The following KIF6 variants were observed in gnomAD, a reference collection of about 807,000 sequenced individuals.
KIF6 encodes the protein kinesin-like protein KIF6.
In KIF6, 106 loss-of-function variants were observed where a neutral mutation model predicts 112.7. The observed-to-expected ratio is 0.94, with a 90% CI of 0.80 to 1.11. The LOEUF is 1.11. Ranked by LOEUF, KIF6 falls within the 50% of genes least tolerant of loss-of-function variation. KIF6 has a pLI of 0.00. For missense variants in KIF6, 929 were observed against 964.0 expected (o/e 0.96, Z 0.48); for synonymous variants, 339 against 339.9 (o/e 1.00, Z 0.03).
intron 10 of KIF6, among the ~76,000 whole-genome samples, chr6:39,573,330 C>G (rs989472987): frequency 1.3e-5 from 2 of 152,088 alleles, no homozygotes; most frequent in African/African-American, 4.8e-5. Flanking sequence ...ATAGCAGTAG[C>G]ACTTTAGGGG....
chr6:39,605,035 T>C (rs1156302415), intron 6 of KIF6, among the ~76,000 whole-genome samples: 1 of 152,130 alleles, frequency 6.6e-6, no homozygotes, highest in Non-Finnish European at 1.5e-5. Flanking sequence ...TATGGGAAAC[T>C]GAGAAGGAAT....
intron 14 of KIF6, among the ~76,000 whole-genome samples, chr6:39,425,207 C>T (rs1003570594): frequency 2.0e-5 from 3 of 152,154 alleles, no homozygotes; most frequent in Non-Finnish European, 4.4e-5. Context: ...GAATGGTGGG[C>T]CAATATGTGT....
chr6:39,670,864 A>T (rs1196578528), intron 3 of KIF6, among the ~76,000 whole-genome samples: 1 of 152,176 alleles, frequency 6.6e-6, no homozygotes, highest in African/African-American at 2.4e-5. Flanking sequence ...CAACCATATG[A>T]GGGCATTGTA....
intron 13 of KIF6, among the ~76,000 whole-genome samples, chr6:39,526,383 T>TTTTG (rs1562287978): frequency 6.6e-6 from 1 of 152,178 alleles, no homozygotes; most frequent in Non-Finnish European, 1.5e-5. Flanking sequence ...CCCTCAACTA[T>TTTTG]CCAGTCCCTT....
chr6:39,426,785 G>C (rs1172673546), intron 14 of KIF6, among the ~76,000 whole-genome samples: 3 of 151,918 alleles, frequency 2.0e-5, no homozygotes, highest in African/African-American at 7.3e-5. Context: ...GAAGGGGATG[G>C]GGGAACCACT....
chr6:39,691,092 C>A (rs771671433), intron 3 of KIF6: 2 of 152,142 alleles, frequency 1.3e-5, no homozygotes, highest in Non-Finnish European at 2.9e-5. Context: ...TCACATTTAA[C>A]TGGGAGTCCT....
chr6:39,401,093 C>T (rs535815992), intron 15 of KIF6, among the ~76,000 whole-genome samples: 8 of 152,324 alleles, frequency 5.3e-5, no homozygotes, highest in African/African-American at 1.4e-4. Context: ...AGATGTTGCA[C>T]GTACATGAAG....
intron 6 of KIF6, among the ~76,000 whole-genome samples, chr6:39,607,950 AG>A (rs1044487020): frequency 6.7e-6 from 1 of 150,350 alleles, no homozygotes; most frequent in Non-Finnish European, 1.5e-5. Context: ...ACATCCCACA[AG>A]GAGATTGGGG....
Position 39,431,035 on chromosome 6 carries a change from T to C in KIF6, c.1754+18A>G. 3 of 1,528,576 alleles carry C rather than the reference T, an allele frequency of 2.0e-6. No individual in the cohort carries two copies. The highest frequency in any genetic ancestry group is 1.1e-5 in the South Asian group (1 of 88,144). 94.7% of individuals were successfully genotyped at this position (1,528,576 alleles called of 1,614,324 possible). A position where few individuals can be genotyped will look rare whatever the true frequency, so the allele number is the denominator to read the frequency against. On this transcript the variant is annotated intron_variant, in intron 14 of 22. Transcript: ENST00000287152. ...GGCTGAGCCTCGGAGGACCAGCTGC[T>C]CTCTGAGACAGCCTTACCTCTGTTT...
At chr6:39,625,770 A>G (rs1233652270) in intron 5 of KIF6, among the ~76,000 whole-genome samples, 2 of 152,158 alleles carry the variant, frequency 1.3e-5, no homozygotes, top group East Asian at 3.9e-4. Flanking sequence ...AGGCCAAACA[A>G]AACAGGTTTA....
intron 5 of KIF6, among the ~76,000 whole-genome samples, chr6:39,623,714 A>G (rs1209006835): frequency 6.6e-6 from 1 of 152,202 alleles, no homozygotes; most frequent in Non-Finnish European, 1.5e-5. Flanking sequence ...TTAGAATTCA[A>G]TGTAAAAACA....
At chr6:39,532,662 G>A (rs1390253665) in intron 13 of KIF6, among the ~76,000 whole-genome samples, 2 of 152,188 alleles carry the variant, frequency 1.3e-5, no homozygotes, top group Admixed American at 6.5e-5. Context: ...GTCACAAAAT[G>A]TATTTCCATG....
At chr6:39,661,321 T>C (rs1341348960) in intron 3 of KIF6, among the ~76,000 whole-genome samples, 1 of 152,238 alleles carries the variant, frequency 6.6e-6, no homozygotes, top group African/African-American at 2.4e-5. Context: ...TATTTTTATT[T>C]AACTGATTAT....
chr6:39,519,874 A>C (rs1184207463), intron 13 of KIF6, among the ~76,000 whole-genome samples: 1 of 151,800 alleles, frequency 6.6e-6, no homozygotes, highest in Non-Finnish European at 1.5e-5. Context: ...ATACAAAAAT[A>C]AGCCGGGTGT....
intron 13 of KIF6, among the ~76,000 whole-genome samples, chr6:39,448,688 C>T (rs1772494457): frequency 1.3e-5 from 2 of 152,106 alleles, no homozygotes; most frequent in African/African-American, 2.4e-5. Context: ...TATTGTTTAG[C>T]TCTGGAGACT....
intron 2 of KIF6, among the ~76,000 whole-genome samples, chr6:39,717,591 G>T (rs879727756): frequency 1.3e-5 from 2 of 151,908 alleles, no homozygotes; most frequent in Admixed American, 1.3e-4. Flanking sequence ...ATGGCACGTA[G>T]CACCTTCTGA....
intron 13 of KIF6, among the ~76,000 whole-genome samples, chr6:39,443,169 TA>T (rs748766962): frequency 0.086 from 12,387 of 144,104 alleles, 639 homozygotes; most frequent in Admixed American, 0.17. Flanking sequence ...TAAATAAAAA[TA>T]AAAAAAAGAA....
intron 3 of KIF6, among the ~76,000 whole-genome samples, chr6:39,682,883 G>A (rs542609643): frequency 1.3e-5 from 2 of 152,210 alleles, no homozygotes; most frequent in African/African-American, 4.8e-5. Context: ...AGCGTGACTA[G>A]ATATTTCTAA....
chr6:39,582,630 G>T (rs544685467), intron 9 of KIF6, among the ~76,000 whole-genome samples: 1 of 152,014 alleles, frequency 6.6e-6, no homozygotes, highest in African/African-American at 2.4e-5. Context: ...GATCCAGCTG[G>T]TTTCAAACTC....
Sources: allele counts gnomAD v4.1 joint callset (sites outside exome capture counted in the v4.1 genomes callset), GRCh38; gene constraint gnomAD v4.1.1; transcripts MANE v1.5; gene names NCBI Gene and HGNC (gene_info 2026-07-23, HGNC 2026-07-21).